FOXJ2: variants seen among roughly 807,000 people sequenced by gnomAD.
FOXJ2 encodes forkhead box J2.
A neutral mutation model predicts 68.4 loss-of-function variants in FOXJ2; 18 were observed. The ratio of observed to expected loss-of-function variants is 0.26; its 90% CI spans 0.18 to 0.39. The LOEUF is 0.39. FOXJ2 is among the 10% of genes least tolerant of loss of function. FOXJ2 has a pLI of 1.00. For missense variants in FOXJ2, 670 were observed against 726.5 expected (o/e 0.92, Z 0.89); for synonymous variants, 274 against 263.2 (o/e 1.04, Z -0.40).
chr12:8,037,415 T>C (rs1331718465), intron 1 of FOXJ2, among the ~76,000 whole-genome samples: 1 of 152,228 alleles, frequency 6.6e-6, no homozygotes, highest in South Asian at 2.1e-4. Context: ...TTAACCTCAG[T>C]GTCCTAACCT....
chr12:8,048,275 A>G lies in FOXJ2; in HGVS notation c.1211A>G (p.Asn404Ser). 1 of 1,572,686 alleles carries G rather than the reference A, an allele frequency of 6.4e-7. No individual in the cohort carries two copies. Among genetic ancestry groups the G allele is most frequent in the Non-Finnish European group, 8.6e-7 (1 of 1,158,982 alleles). Reference protein sequence around the residue: ...QPQAQGQAPINNTGFAFPSDW... With the variant: ...QPQAQGQAPISNTGFAFPSDW... The stretch of plus-strand genomic sequence containing the variant: ...CAGGCACAAGGCCAGGCTCCCATCA[A>G]CAACACTGGCTTTGGTGAGTAAGGA... Residue 404 changes from asparagine (N) to serine (S), a missense_variant, in exon 7 of 11, where the codon AAC (asparagine) becomes AGC (serine). Around this residue, in one of 2 missense-constraint regions of FOXJ2, gnomAD observed 555 missense variants for 562.2 expected, o/e 0.99. Coordinates refer to ENST00000162391, the MANE Select transcript of FOXJ2 (RefSeq NM_018416.3).
At chr12:8,043,609 T>C (rs1946996406) in intron 3 of FOXJ2, 92 bp from the exon 4 acceptor site, 1 of 1,299,662 alleles carries the variant, frequency 7.7e-7, no homozygotes, top group Non-Finnish European at 1.1e-6. Context: ...AGTGAGTTTC[T>C]AGGACAAATT....
rs751475050 is a variant in FOXJ2, at chr12:8,044,925, A to G, written c.784A>G (p.Met262Val). ...SWSFRNLYKS[M>V]LEKSSSSSQH... is the part of the protein sequence containing the mutation. ...GTCCTTCCGCAACCTCTATAAGTCCATGCTGGAGAAGTCCTCTTCCTCCTC... is the reference window on the plus strand; with the variant it reads ...GTCCTTCCGCAACCTCTATAAGTCCGTGCTGGAGAAGTCCTCTTCCTCCTC... Residue 262 changes from methionine (M) to valine (V), a missense_variant, in exon 6 of 11, where the codon ATG (methionine) becomes GTG (valine). Met to Val is a conservative substitution (Grantham distance 21). This residue lies in a region of FOXJ2 where 555 missense variants were observed against 562.2 expected (regional missense o/e 0.99). Coordinates refer to ENST00000162391, the MANE Select transcript of FOXJ2 (RefSeq NM_018416.3). The G allele has an allele frequency of 3.1e-6, 5 of 1,614,110 alleles. No individual in the cohort carries two copies. Among genetic ancestry groups the G allele is most frequent in the Non-Finnish European group, 8.5e-7 (1 of 1,180,040 alleles).
chr12:8,052,896 C>G lies in FOXJ2; in HGVS notation c.*46C>G, dbSNP rs745960084. ...TCAGCCCAGGGCCGCGTGGTGAAAT[C>G]TGGCAGTGGGGAAAGAGCAACCCCA... On this transcript the variant is annotated 3_prime_UTR_variant, in exon 11 of 11. Transcript: ENST00000162391. 2 of 1,512,636 alleles carry G rather than the reference C, an allele frequency of 1.3e-6. No homozygotes were observed. The highest frequency in any genetic ancestry group is 9.1e-7 in the Non-Finnish European group (1 of 1,102,858). The allele number at this position is 1,512,636 out of a possible 1,614,324, so 93.7% of individuals were successfully genotyped here. A position where few individuals can be genotyped will look rare whatever the true frequency, so the allele number is the denominator to read the frequency against.
intron 1 of FOXJ2, 119 bp from the exon 2 acceptor site, chr12:8,039,700 G>A (rs781631230): frequency 2.4e-6 from 2 of 820,616 alleles, no homozygotes; most frequent in South Asian, 3.4e-5. Context: ...CTGGTGGAAG[G>A]CCATGCCATG....
Position 8,032,785 on chromosome 12 carries a change from G to A in FOXJ2, c.-1063G>A. ...CTGTCTGCCCGCCTTCTGGCTCCCC[G>A]GGAGCCCAGACTGGTCGGAGCCCGA... is the stretch of plus-strand genomic sequence containing the variant. On this transcript the variant is annotated 5_prime_UTR_variant, in exon 1 of 11. Coordinates refer to ENST00000162391, the MANE Select transcript of FOXJ2 (RefSeq NM_018416.3). The surrounding 1 kb of genome is among the most constrained non-coding windows in gnomAD (Gnocchi z 4.8). 1 of 398,302 alleles carries A rather than the reference G, an allele frequency of 2.5e-6. No individual in the cohort carries two copies. The highest frequency in any genetic ancestry group is 3.6e-5 in the East Asian group (1 of 28,032). 24.7% of individuals were successfully genotyped at this position (398,302 alleles called of 1,614,324 possible).
intron 3 of FOXJ2, 104 bp downstream of exon 3, chr12:8,042,836 A>C (rs1441432475): frequency 1.1e-6 from 1 of 943,082 alleles, no homozygotes; most frequent in Non-Finnish European, 1.7e-6. Flanking sequence ...AGAGGAAATC[A>C]TGCTAATTAG....
rs61753349 is a variant in FOXJ2 at position 8,048,170 on chromosome 12, C to T, written c.1106C>T (p.Pro369Leu). ...PPPVMAMHPP[P>L]LQHGGYHPHQ... The stretch of plus-strand genomic sequence containing the variant: ...CCTGTAATGGCCATGCATCCACCCC[C>T]GCTGCAGCATGGAGGCTACCACCCT... Residue 369 changes from proline to leucine, a missense_variant, in exon 7 of 11, where the codon CCG (proline) becomes CTG (leucine). Pro to Leu is a moderately conservative substitution (Grantham distance 98). Transcript: ENST00000162391. 2,838 of 1,613,936 alleles carry T rather than the reference C, an allele frequency of 1.8e-3. 7 individuals carry two copies. The highest frequency in any genetic ancestry group is 2.2e-3 in the Non-Finnish European group (2,608 of 1,179,924).
chr12:8,040,865 A>G lies in FOXJ2; in HGVS notation c.333+700A>G, dbSNP rs1310839726. 2.6e-5 allele frequency among the ~76,000 whole-genome samples: 4 copies of G among 152,336 alleles called. No homozygotes were observed. The East Asian group carries it at 7.7e-4, about 29-fold the overall frequency. ...AGGTAGGAGTCTAATCTAGAGCATC[A>G]GATTTCCATAGCTCCATTGCACAGT... On this transcript the variant is annotated intron_variant, in intron 2 of 10. Coordinates refer to ENST00000162391, the MANE Select transcript of FOXJ2 (RefSeq NM_018416.3). This position sits in a 1 kb window ranked among gnomAD's most constrained non-coding sequence, Gnocchi z 4.0.
Position 8,049,399 on chromosome 12 carries a change from C to T in FOXJ2, c.1365C>T (p.Asn455=). ...GTCTACGACAGGCAGAGCAGAAGAA[C>T]TGGACCCTCGACCAGCATCACATTG... is the stretch of plus-strand genomic sequence containing the variant. ...MESLRQAEQK[N]WTLDQHHIAN... The change falls in exon 9 of 11, where the codon AAC becomes AAT. Residue 455 remains asparagine, a synonymous_variant. Transcript: ENST00000162391. 1 of 1,613,940 alleles carries T rather than the reference C, an allele frequency of 6.2e-7. No homozygotes were observed. The highest frequency in any genetic ancestry group is 1.7e-5 in the Admixed American group (1 of 59,978).
rs1285361236 is a variant in FOXJ2, at chr12:8,043,822, ACCT to A, written c.477+58_477+60del. ...CATATCTGAGCCAGCTGCTCCTTCC[ACCT>A]CCTCTTATGGACGTTCAGTCCTTTC... On this transcript the variant is annotated intron_variant, in intron 4 of 10. Coordinates refer to ENST00000162391, the MANE Select transcript of FOXJ2 (RefSeq NM_018416.3). 5 of 1,611,660 alleles carry A rather than the reference ACCT, an allele frequency of 3.1e-6. No homozygotes were observed. In the South Asian group the frequency reaches 3.3e-5, roughly 11 times the overall value.
rs935643757 is a variant in FOXJ2 at position 8,035,507 on chromosome 12, T to G, written c.-15+1674T>G. Among the ~76,000 whole-genome samples the G allele has an allele frequency of 6.6e-6, 1 of 152,162 alleles. No homozygotes were observed. Among genetic ancestry groups the G allele is most frequent in the Admixed American group, 6.5e-5 (1 of 15,282 alleles). ...TCTCAGAAGGATGAGGATCCTTGAC[T>G]CCTAACTCCAGAACTCCTTCCCCTA... On this transcript the variant is annotated intron_variant, in intron 1 of 10. Coordinates refer to ENST00000162391, the MANE Select transcript of FOXJ2 (RefSeq NM_018416.3). The surrounding 1 kb of genome is among the most constrained non-coding windows in gnomAD (Gnocchi z 4.0).
intron 9 of FOXJ2, chr12:8,049,793 T>C: frequency 2.2e-6 from 1 of 461,126 alleles, no homozygotes; most frequent in Admixed American, 3.9e-5. Context: ...AGACCTCAGT[T>C]TGGGAGATCA....
At chr12:8,046,305 A>G (rs1947036514) in intron 6 of FOXJ2, among the ~76,000 whole-genome samples, 1 of 152,202 alleles carries the variant, frequency 6.6e-6, no homozygotes, top group South Asian at 2.1e-4. Context: ...AACAGATGCA[A>G]AAGTGTGGAG....
At position 8,048,205 on chromosome 12, in the gene FOXJ2, C is replaced by T. The variant is rs772959847; in HGVS notation, c.1141C>T (p.His381Tyr). ...QHGGYHPHQHHPHSHPAQQPP... is the reference protein window; with the variant it reads ...QHGGYHPHQHYPHSHPAQQPP... ...TGGAGGCTACCACCCTCATCAGCAC[C>T]ATCCCCACTCCCACCCTGCCCAGCA... Residue 381 changes from histidine (H) to tyrosine (Y), a missense_variant, in exon 7 of 11, where the codon CAT (histidine) becomes TAT (tyrosine). By Grantham distance (83) the His-to-Tyr change is moderately conservative (BLOSUM62 2). Transcript: ENST00000162391. The T allele has an allele frequency of 4.5e-5, 72 of 1,612,046 alleles. No individual in the cohort carries two copies. Among genetic ancestry groups the T allele is most frequent in the Non-Finnish European group, 5.8e-5 (68 of 1,178,912 alleles).
chr12:8,041,606 G>A (rs1946966486), intron 2 of FOXJ2, among the ~76,000 whole-genome samples: 4 of 151,642 alleles, frequency 2.6e-5, no homozygotes. Context: ...TTGAACCTGG[G>A]CTCAAGCAAT....
intron 10 of FOXJ2, among the ~76,000 whole-genome samples, chr12:8,050,996 C>G (rs1591582150): frequency 8.8e-6 from 1 of 113,344 alleles, no homozygotes; most frequent in East Asian, 3.0e-4. Flanking sequence ...CCCTTCCCTT[C>G]CCTTTCCTTC....
rs77434838 is a variant in FOXJ2, at chr12:8,041,137, A to G, written c.333+972A>G. ...TAGTTCTCTCACTCTATAAATCCCCAGTTGACATACAAACCATGTAGTGAG... is the reference window on the plus strand; with the variant it reads ...TAGTTCTCTCACTCTATAAATCCCCGGTTGACATACAAACCATGTAGTGAG... On this transcript the variant is annotated intron_variant, in intron 2 of 10. Transcript: ENST00000162391. 3.6e-4 allele frequency among the ~76,000 whole-genome samples: 55 copies of G among 152,178 alleles called. 1 individual carries two copies. The highest frequency in any genetic ancestry group is 1.3e-3 in the African/African-American group (54 of 41,522).
intron 10 of FOXJ2, among the ~76,000 whole-genome samples, 186 bp from the exon 11 acceptor site, chr12:8,052,576 T>C (rs1947140387): frequency 1.3e-5 from 2 of 152,224 alleles, no homozygotes; most frequent in African/African-American, 4.8e-5. Context: ...TGTAATTTAC[T>C]CTAGTTTATT....
Sources: gnomAD v4.1 joint callset for allele counts (sites outside exome capture counted in the v4.1 genomes callset) on GRCh38, gnomAD v4.1.1 for gene constraint, gnomAD v4.1.1 regional missense constraint, Gnocchi (gnomAD v3.1) non-coding constraint, MANE v1.5 for transcripts, NCBI Gene and HGNC (gene_info 2026-07-23, HGNC 2026-07-21) for gene names.